The following NUP98 variants were observed in gnomAD, a reference collection of about 807,000 sequenced individuals.
NUP98 encodes the protein nuclear pore complex protein Nup98-Nup96.
A neutral mutation model predicts 191.9 loss-of-function variants in NUP98; 26 were observed. That is an observed-to-expected ratio of 0.14 (90% confidence interval 0.10 to 0.19). The LOEUF is 0.19. Ranked by LOEUF, NUP98 falls within the 10% of genes least tolerant of loss-of-function variation. The pLI is 1.00. For missense variants in NUP98, 1,941 were observed against 2,178.8 expected, an observed-to-expected ratio of 0.89 and a Z score of 2.17; for synonymous variants, 808 against 778.4, an observed-to-expected ratio of 1.04 and a Z score of -0.63.
Position 3,712,742 on chromosome 11 carries a change from GAACCCCACAAAACAACTTA to G in NUP98, c.2578-33_2578-15del. On this transcript the variant is annotated splice_polypyrimidine_tract_variant and intron_variant, in intron 19 of 32. Transcript: ENST00000324932. ...AAAATGGGAGACCTAAGGAAGAGAAGAACCCCACAAAACAACTTAAACATTATGCTTTCCCAATACCTGC... is the reference window on the plus strand; with the variant it reads ...AAAATGGGAGACCTAAGGAAGAGAAGAACATTATGCTTTCCCAATACCTGC... 6.2e-7 allele frequency: 1 copy of G among 1,610,132 alleles called. No individual in the cohort carries two copies. The highest frequency in any genetic ancestry group is 1.1e-5 in the South Asian group (1 of 90,588).
At chr11:3,740,419 G>A (rs2080238527) in intron 12 of NUP98, among the ~76,000 whole-genome samples, 1 of 151,758 alleles carries the variant, frequency 6.6e-6, no homozygotes, top group Non-Finnish European at 1.5e-5. Flanking sequence ...GCTGAGGAAA[G>A]AGAATCACTT....
intron 30 of NUP98, among the ~76,000 whole-genome samples, chr11:3,680,807 C>CA (rs2077962044): frequency 6.6e-6 from 1 of 152,182 alleles, no homozygotes; most frequent in African/African-American, 2.4e-5. Context: ...CTTGGCCCCC[C>CA]AAAGTGCTGG....
Position 3,694,714 on chromosome 11 carries a change from T to C in NUP98, c.4167+735A>G, listed in dbSNP as rs1056156126. ...CAGATCGTGCCACTGCACTCCAACC[T>C]GGGCAACAGAGCGAGACTCTGTCTC... is the stretch of plus-strand genomic sequence containing the variant. On this transcript the variant is annotated intron_variant, in intron 26 of 32. Transcript: ENST00000324932. 4.7e-5 allele frequency among the ~76,000 whole-genome samples: 7 copies of C among 148,534 alleles called. No homozygotes were observed. In the East Asian group the frequency reaches 1.4e-3, roughly 30 times the overall value.
At chr11:3,773,037 A>C (rs937083399) in intron 6 of NUP98, among the ~76,000 whole-genome samples, 3 of 152,118 alleles carry the variant, frequency 2.0e-5, no homozygotes, top group Admixed American at 6.6e-5. Context: ...TACTTTGCAT[A>C]ATTTTACTAA....
chr11:3,726,137 G>A (rs1341200187), intron 14 of NUP98, among the ~76,000 whole-genome samples: 1 of 152,002 alleles, frequency 6.6e-6, no homozygotes. Flanking sequence ...GGCCATTAAA[G>A]GAACTCTCAA....
chr11:3,794,940 C>G (rs2134002549), intron 1 of NUP98, among the ~76,000 whole-genome samples: 1 of 152,290 alleles, frequency 6.6e-6, no homozygotes, highest in Non-Finnish European at 1.5e-5. Context: ...CTCTGAGTTT[C>G]TTAGTTCCCT....
intron 24 of NUP98, 76 bp from the exon 25 acceptor site, chr11:3,699,424 T>C: frequency 6.6e-7 from 1 of 1,508,812 alleles, no homozygotes; most frequent in South Asian, 1.2e-5. Context: ...CTTCTAACTG[T>C]GATGTTAAAA....
Position 3,679,719 on chromosome 11 carries a change from A to G in NUP98, c.4919-11T>C. On this transcript the variant is annotated splice_polypyrimidine_tract_variant and intron_variant, in intron 30 of 32. Transcript: ENST00000324932. ...CATTAATGATGGCATCTGAAGAAAC[A>G]AAGTATTGAGCACAATGTCTGCACA... is the stretch of plus-strand genomic sequence containing the variant. 2 of 1,612,802 alleles carry G rather than the reference A, an allele frequency of 1.2e-6. No homozygotes were observed. The highest frequency in any genetic ancestry group is 1.7e-6 in the Non-Finnish European group (2 of 1,179,470).
intron 20 of NUP98, 191 bp downstream of exon 20, chr11:3,712,373 A>C (rs2079045645): frequency 1.4e-6 from 2 of 1,393,112 alleles, no homozygotes; most frequent in Non-Finnish European, 1.9e-6. Context: ...GAATTCTTTA[A>C]ATCTCTCCAG....
intron 27 of NUP98, among the ~76,000 whole-genome samples, chr11:3,692,587 T>A (rs1164910213): frequency 1.3e-5 from 2 of 149,308 alleles, no homozygotes; most frequent in African/African-American, 4.9e-5. Flanking sequence ...ACAGCGAGAC[T>A]CCATCTCAAA....
intron 8 of NUP98, among the ~76,000 whole-genome samples, chr11:3,766,095 C>T (rs1372910916): frequency 1.3e-5 from 2 of 152,142 alleles, no homozygotes; most frequent in East Asian, 3.9e-4. Context: ...AGAAGTAAAG[C>T]CAGGTACAGC....
At chr11:3,760,332 C>A in intron 10 of NUP98, 3 of 616,976 alleles carry the variant, frequency 4.9e-6, no homozygotes, top group Non-Finnish European at 5.6e-6. Context: ...TATCTCAAGC[C>A]ATATCCAGGA....
At chr11:3,735,999 T>C (rs1279879675) in intron 12 of NUP98, among the ~76,000 whole-genome samples, 2 of 150,346 alleles carry the variant, frequency 1.3e-5, no homozygotes, top group East Asian at 4.0e-4. Flanking sequence ...GCCTCCAGGC[T>C]CAAGTGATCC....
intron 12 of NUP98, among the ~76,000 whole-genome samples, chr11:3,743,675 A>C (rs2080375407): frequency 6.6e-6 from 1 of 151,220 alleles, no homozygotes; most frequent in African/African-American, 2.4e-5. Flanking sequence ...AAGTAAGTTA[A>C]TTTCCTTAAG....
chr11:3,771,987 G>T, intron 6 of NUP98, 59 bp from the exon 7 acceptor site: 1 of 1,420,762 alleles, frequency 7.0e-7, no homozygotes, highest in Non-Finnish European at 9.8e-7. Context: ...AATTATTTAG[G>T]AGGCTAAATA....
intron 12 of NUP98, among the ~76,000 whole-genome samples, chr11:3,739,507 A>G (rs1178821725): frequency 1.3e-5 from 2 of 152,156 alleles, no homozygotes; most frequent in Non-Finnish European, 2.9e-5. Flanking sequence ...TCGGCCTCCC[A>G]AAGTGCTGAG....
Position 3,760,548 on chromosome 11 carries a change from C to T in NUP98, c.1165G>A (p.Gly389Arg), listed in dbSNP as rs762393518. The change falls in exon 10 of 33, where the codon GGG becomes AGG. Residue 389 changes from glycine to arginine, a missense_variant. Physicochemically the swap from Gly to Arg is moderately radical, Grantham distance 125. Coordinates refer to ENST00000324932, the MANE Select transcript of NUP98 (RefSeq NM_016320.5). ...AGGGTTGGTTTGTTACCAAAGAGCCCGCCACTGGTTGTACCAAATGAAGGT... is the reference window on the plus strand; with the variant it reads ...AGGGTTGGTTTGTTACCAAAGAGCCTGCCACTGGTTGTACCAAATGAAGGT... The part of the protein sequence containing the change: ...SAPSFGTTSG[G>R]LFGFGTNTSG... 1.9e-6 allele frequency: 3 copies of T among 1,613,922 alleles called. No homozygotes were observed. Among genetic ancestry groups the T allele is most frequent in the South Asian group, 1.1e-5 (1 of 91,080 alleles).
In NUP98 at chr11:3,691,744, G is replaced by A. The variant is rs530959898; in HGVS notation, c.4312-255C>T. ...AATTTTTGTATTTTTAGTAGTGACAGTGTTTTGCCATGTTGGCCAGGCTGG... is the reference window on the plus strand; with the variant it reads ...AATTTTTGTATTTTTAGTAGTGACAATGTTTTGCCATGTTGGCCAGGCTGG... On this transcript the variant is annotated intron_variant, in intron 27 of 32. Coordinates refer to ENST00000324932, the MANE Select transcript of NUP98 (RefSeq NM_016320.5). Among the ~76,000 whole-genome samples, 390 of 152,272 alleles carry A rather than the reference G, an allele frequency of 2.6e-3. 3 individuals carry two copies. The highest frequency in any genetic ancestry group is 8.6e-3 in the African/African-American group (356 of 41,556).
intron 10 of NUP98, among the ~76,000 whole-genome samples, chr11:3,755,792 A>G (rs998931859): frequency 3.9e-5 from 6 of 152,282 alleles, no homozygotes; most frequent in Admixed American, 6.5e-5. Context: ...GTGAAACCCC[A>G]TATCTACCAA....
Sources: gnomAD v4.1 joint callset for allele counts (sites outside exome capture counted in the v4.1 genomes callset) on GRCh38, gnomAD v4.1.1 for gene constraint, MANE v1.5 for transcripts, NCBI Gene and HGNC (gene_info 2026-07-23, HGNC 2026-07-21) for gene names.